DNMT3B: variants seen among roughly 807,000 people sequenced by gnomAD.
DNMT3B encodes the protein DNA (cytosine-5)-methyltransferase 3B.
A neutral mutation model predicts 120.2 loss-of-function variants in DNMT3B; 37 were observed. That is an observed-to-expected ratio of 0.31 (90% CI 0.24 to 0.40). The LOEUF (loss-of-function observed/expected upper bound fraction) is 0.40. DNMT3B is among the 10% of genes least tolerant of loss of function. The pLI is 1.00. For synonymous variants in DNMT3B, 412 were observed against 442.8 expected (o/e 0.93, Z 0.87); for missense variants, 878 against 1,137.3 (o/e 0.77, Z 3.28).
intron 2 of DNMT3B, among the ~76,000 whole-genome samples, chr20:32,781,028 A>C: frequency 6.6e-6 from 1 of 152,242 alleles, no homozygotes; most frequent in East Asian, 1.9e-4. Flanking sequence ...CGGCTGACAC[A>C]GCAGGCAGTG....
At position 32,808,158 on chromosome 20, in the gene DNMT3B, A is replaced by C; in HGVS notation, c.*255A>C. On this transcript the variant is annotated 3_prime_UTR_variant, in exon 23 of 23. Transcript: ENST00000328111. The stretch of plus-strand genomic sequence containing the variant: ...ACGGTGCTCATTTTTTCTTCTCCTA[A>C]AACTTTAAAACTTGAAGTAGGTAGC... 1.8e-6 allele frequency: 1 copy of C among 542,756 alleles called. No homozygotes were observed. The highest frequency in any genetic ancestry group is 3.3e-5 in the Admixed American group (1 of 30,490). 33.6% of individuals were successfully genotyped at this position (542,756 alleles called of 1,614,324 possible).
Position 32,797,184 on chromosome 20 carries a change from C to T in DNMT3B, c.1378-3C>T, listed in dbSNP as rs777850259. ...TTCACTGGTGTTTCTCTCTGGCTGC[C>T]AGGATCGCTTCCTTGAGCTGTTTTA... On this transcript the variant is annotated splice_polypyrimidine_tract_variant and splice_region_variant and intron_variant, in intron 13 of 22. Coordinates refer to ENST00000328111, the MANE Select transcript of DNMT3B (RefSeq NM_006892.4). 83 of 1,613,372 alleles carry T rather than the reference C, an allele frequency of 5.1e-5. No individual in the cohort carries two copies. The highest frequency in any genetic ancestry group is 1.6e-4 in the Middle Eastern group (1 of 6,084).
At chr20:32,806,946 A>G (rs1320574090) in intron 22 of DNMT3B, among the ~76,000 whole-genome samples, 1 of 152,172 alleles carries the variant, frequency 6.6e-6, no homozygotes, top group Non-Finnish European at 1.5e-5. Context: ...CATTCCAGAT[A>G]TTTCACTTCT....
intron 1 of DNMT3B, among the ~76,000 whole-genome samples, chr20:32,771,635 C>CAAA (rs10625883): frequency 0.014 from 1,212 of 87,644 alleles, 37 homozygotes; most frequent in African/African-American, 0.022. Context: ...GACCGCATCT[C>CAAA]AAAAAAAAAA....
intron 7 of DNMT3B, 52 bp downstream of exon 7, chr20:32,789,064 T>G: frequency 6.2e-7 from 1 of 1,605,512 alleles, no homozygotes; most frequent in South Asian, 1.1e-5. Flanking sequence ...TGTGCCTGCC[T>G]GCCTCCCTTT....
chr20:32,804,742 A>T (rs1601137762), intron 20 of DNMT3B, among the ~76,000 whole-genome samples: 1 of 125,884 alleles, frequency 7.9e-6, no homozygotes, highest in East Asian at 2.4e-4. Flanking sequence ...CCCAGGCTGG[A>T]GTGCAGTGTT....
At chr20:32,801,176 A>T (rs1448302979) in intron 18 of DNMT3B, 102 bp from the exon 19 acceptor site, 11 of 1,562,916 alleles carry the variant, frequency 7.0e-6, no homozygotes, top group Non-Finnish European at 9.6e-6. Context: ...CATCACCCTG[A>T]ACTGTCAGGA....
intron 19 of DNMT3B, among the ~76,000 whole-genome samples, chr20:32,801,643 GGC>G (rs201222886): frequency 0.011 from 1,742 of 152,254 alleles, 43 homozygotes; most frequent in African/African-American, 0.04. Flanking sequence ...GAAGTACAGT[GGC>G]ATTATTACAG....
rs370219791 is a variant in DNMT3B, at chr20:32,800,199, C to T, written c.1806C>T (p.Val602=). Residue 602 remains valine (V), a synonymous_variant, in exon 17 of 23, where the codon GTC becomes GTT. Coordinates refer to ENST00000328111, the MANE Select transcript of DNMT3B (RefSeq NM_006892.4). ...TGGGCATAAAGGTAGGAAAGTACGTCGCTTCTGAAGTGTGTGAGGAGTCCA... is the reference window on the plus strand; with the variant it reads ...TGGGCATAAAGGTAGGAAAGTACGTTGCTTCTGAAGTGTGTGAGGAGTCCA... ...KELGIKVGKY[V]ASEVCEESIA... 1.3e-5 allele frequency: 21 copies of T among 1,614,086 alleles called. 1 individual carries two copies. The highest frequency in any genetic ancestry group is 1.6e-4 in the Middle Eastern group (1 of 6,084).
At chr20:32,772,655 G>C (rs1987809146) in intron 1 of DNMT3B, among the ~76,000 whole-genome samples, 1 of 152,024 alleles carries the variant, frequency 6.6e-6, no homozygotes, top group Non-Finnish European at 1.5e-5. Flanking sequence ...GAAGGGGCTG[G>C]GTGTTTGTGA....
chr20:32,803,718 A>C (rs1405437451), intron 20 of DNMT3B, among the ~76,000 whole-genome samples: 2 of 152,156 alleles, frequency 1.3e-5, no homozygotes, highest in African/African-American at 4.8e-5. Flanking sequence ...CAGTTATTAG[A>C]GTACTCCAGG....
At chr20:32,787,050 A>T in intron 5 of DNMT3B, among the ~76,000 whole-genome samples, 180 bp from the exon 6 acceptor site, 1 of 152,226 alleles carries the variant, frequency 6.6e-6, no homozygotes, top group East Asian at 1.9e-4. Context: ...GACAGTTACA[A>T]TGACTTTCTC....
intron 1 of DNMT3B, among the ~76,000 whole-genome samples, chr20:32,764,480 C>T (rs1194606680): frequency 6.6e-6 from 1 of 152,066 alleles, no homozygotes; most frequent in Non-Finnish European, 1.5e-5. Flanking sequence ...AGGGAGGCAC[C>T]CCTGCCAGCC....
chr20:32,788,679 C>T (rs940708783), intron 6 of DNMT3B, among the ~76,000 whole-genome samples, 175 bp from the exon 7 acceptor site: 1 of 152,156 alleles, frequency 6.6e-6, no homozygotes, highest in African/African-American at 2.4e-5. Context: ...CTCAAGCGAT[C>T]CCCCTGCCTC....
intron 19 of DNMT3B, 67 bp downstream of exon 19, chr20:32,801,493 G>T: frequency 1.2e-6 from 2 of 1,601,808 alleles, no homozygotes; most frequent in Admixed American, 1.7e-5. Context: ...TGGCAGTGAT[G>T]ATTGGTGGGT....
At chr20:32,786,978 ACT>A (rs1219100843) in intron 5 of DNMT3B, among the ~76,000 whole-genome samples, 1 of 150,760 alleles carries the variant, frequency 6.6e-6, no homozygotes, top group Non-Finnish European at 1.5e-5. Flanking sequence ...GCAACATTTC[ACT>A]CTCTGAGAGT....
Position 32,795,459 on chromosome 20 carries a change from T to C in DNMT3B, c.1177T>C (p.Cys393Arg). 6.2e-7 allele frequency: 1 copy of C among 1,614,138 alleles called. No individual in the cohort carries two copies. The highest frequency in any genetic ancestry group is 8.5e-7 in the Non-Finnish European group (1 of 1,180,020). Residue 393 changes from cysteine to arginine, a missense_variant, in exon 11 of 23, where the codon TGC becomes CGC. This residue lies in a region of DNMT3B where 207 missense variants were observed against 222.6 expected (regional missense o/e 0.93). Transcript: ENST00000328111. Reference sequence around the variant, plus strand: ...TGACGACTCAGCCACCTCTGACTACTGCCCCGCACCCAAGCGCCTCAAGAC... The same window carrying C: ...TGACGACTCAGCCACCTCTGACTACCGCCCCGCACCCAAGCGCCTCAAGAC... ...TADDSATSDY[C>R]PAPKRLKTNC...
intron 1 of DNMT3B, among the ~76,000 whole-genome samples, chr20:32,773,509 CTG>C (rs1015967632): frequency 5.9e-5 from 9 of 152,100 alleles, no homozygotes; most frequent in African/African-American, 2.2e-4. Flanking sequence ...GGTATCATGA[CTG>C]TGTCATCTAT....
In DNMT3B at chr20:32,795,333, A is replaced by G. The variant is rs1980471255; in HGVS notation, c.1127-76A>G. 4 of 1,607,348 alleles carry G rather than the reference A, an allele frequency of 2.5e-6. No individual in the cohort carries two copies. In the Admixed American group the frequency reaches 5.0e-5, roughly 20 times the overall value. On this transcript the variant is annotated intron_variant, in intron 10 of 22. Transcript: ENST00000328111. The stretch of plus-strand genomic sequence containing the variant: ...ATTGCAGCTGGTACCCAGGCATAGC[A>G]TGGTCTTGTCCTGGGCCCGCATTCT...
Sources: allele counts gnomAD v4.1 joint callset (sites outside exome capture counted in the v4.1 genomes callset), GRCh38; gene constraint gnomAD v4.1.1; regional missense constraint gnomAD v4.1.1; transcripts MANE v1.5; gene names NCBI Gene and HGNC (gene_info 2026-07-23, HGNC 2026-07-21).